PTPRN2: variants seen among roughly 807,000 people sequenced by gnomAD.
The protein encoded by PTPRN2 is receptor-type tyrosine-protein phosphatase N2.
PTPRN2 carries 74 observed loss-of-function variants against 118.8 expected under a neutral mutation model. The observed-to-expected ratio is 0.62, with a 90% confidence interval of 0.52 to 0.76. The LOEUF is 0.76. Ranked by LOEUF, PTPRN2 falls within the 30% of genes least tolerant of loss-of-function variation. The pLI, the probability that PTPRN2 is intolerant of heterozygous loss-of-function variation, is 0.00. For missense variants in PTPRN2, 1,481 were observed against 1,394.4 expected (o/e 1.06, Z -0.99); for synonymous variants, 641 against 608.0 (o/e 1.05, Z -0.80).
At chr7:158,274,979 C>T (rs934109365) in intron 3 of PTPRN2, among the ~76,000 whole-genome samples, 5 of 152,222 alleles carry the variant, frequency 3.3e-5, no homozygotes, top group Admixed American at 1.3e-4. Flanking sequence ...ACTCCTGGGG[C>T]GTAGCAGAGT....
chr7:158,334,644 C>A (rs1805229195), intron 2 of PTPRN2, among the ~76,000 whole-genome samples: 4 of 96,312 alleles, frequency 4.2e-5, no homozygotes, highest in Admixed American at 3.2e-4. Flanking sequence ...CACCCACACT[C>A]TCACCATAAT....
chr7:158,311,881 ACCTG>A, intron 3 of PTPRN2, among the ~76,000 whole-genome samples: 1 of 147,088 alleles, frequency 6.8e-6, no homozygotes, highest in African/African-American at 2.7e-5. Context: ...ACACCCACAC[ACCTG>A]CACGTGTAGA....
In PTPRN2 at chr7:157,603,497, G is replaced by T. The variant is rs1431157932; in HGVS notation, c.2418+505C>A. Among the ~76,000 whole-genome samples, 12 of 152,216 alleles carry T rather than the reference G, an allele frequency of 7.9e-5. No homozygotes were observed. The highest frequency in any genetic ancestry group is 1.5e-5 in the Non-Finnish European group (1 of 68,036). Reference sequence around the variant, plus strand: ...ACTGCACCTGCGTCTATCCCAGGGGGAGGAACAGCCAGCAAACGGTCTCTT... The same window carrying T: ...ACTGCACCTGCGTCTATCCCAGGGGTAGGAACAGCCAGCAAACGGTCTCTT... On this transcript the variant is annotated intron_variant, in intron 16 of 22. Transcript: ENST00000389418. This position sits in a 1 kb window ranked among gnomAD's most constrained non-coding sequence, Gnocchi z 5.4.
chr7:157,704,044 G>T (rs1193765750), intron 12 of PTPRN2, among the ~76,000 whole-genome samples: 2 of 152,298 alleles, frequency 1.3e-5, no homozygotes, highest in South Asian at 2.1e-4. Flanking sequence ...GGTGCCACCA[G>T]GAATCCCTTT....
chr7:157,629,263 G>C lies in PTPRN2; in HGVS notation c.2197-7754C>G, dbSNP rs563831712. On this transcript the variant is annotated intron_variant, in intron 14 of 22. Transcript: ENST00000389418. The surrounding 1 kb of genome is among the most constrained non-coding windows in gnomAD (Gnocchi z 4.4). ...TGCCAAAGACACCGCAGAACCCATG[G>C]GGAGGCAGAAGAAAGGCTGGAGCAG... is the stretch of plus-strand genomic sequence containing the variant. Among the ~76,000 whole-genome samples, 2 of 152,220 alleles carry C rather than the reference G, an allele frequency of 1.3e-5. No individual in the cohort carries two copies. The highest frequency in any genetic ancestry group is 4.2e-4 in the South Asian group (2 of 4,802).
chr7:158,500,675 C>T (rs1288257061), intron 1 of PTPRN2, among the ~76,000 whole-genome samples: 1 of 152,268 alleles, frequency 6.6e-6, no homozygotes, highest in Non-Finnish European at 1.5e-5. Context: ...GCCACAAAAA[C>T]GTCCACCCGC....
intron 11 of PTPRN2, among the ~76,000 whole-genome samples, chr7:157,975,175 C>T (rs1802648953): frequency 6.6e-6 from 1 of 152,188 alleles, no homozygotes; most frequent in Non-Finnish European, 1.5e-5. Context: ...CCTGCCAACA[C>T]TGCTGTCCAC....
At position 158,241,086 on chromosome 7, in the gene PTPRN2, T is replaced by C. The variant is rs182042185; in HGVS notation, c.278-35813A>G. Among the ~76,000 whole-genome samples the C allele has an allele frequency of 1.9e-3, 286 of 152,358 alleles. 3 individuals carry two copies. Among genetic ancestry groups the C allele is most frequent in the African/African-American group, 6.6e-3 (273 of 41,590 alleles). On this transcript the variant is annotated intron_variant, in intron 3 of 22. Transcript: ENST00000389418. ...GGGCCAGCCAGCATCCAGTTCCAGC[T>C]TCATGGTGGAAGCATCAAAGTGTTC...
In PTPRN2 at chr7:158,241,757, G is replaced by A. The variant is rs144628520; in HGVS notation, c.278-36484C>T. 3.8e-4 allele frequency among the ~76,000 whole-genome samples: 58 copies of A among 152,180 alleles called. No homozygotes were observed. In the East Asian group the frequency reaches 7.8e-3, roughly 20 times the overall value. On this transcript the variant is annotated intron_variant, in intron 3 of 22. Coordinates refer to ENST00000389418, the MANE Select transcript of PTPRN2 (RefSeq NM_002847.5). ...TACAGCTAACGTTCTACAGCTCCCC[G>A]TTCTCCTAATCACAGCTCTGAGGTC...
intron 3 of PTPRN2, among the ~76,000 whole-genome samples, chr7:158,226,116 A>G (rs1256258302): frequency 6.6e-6 from 1 of 152,246 alleles, no homozygotes; most frequent in Non-Finnish European, 1.5e-5. Flanking sequence ...AGCCTTAACT[A>G]TGAGCCAGCA....
At chr7:157,607,830 C>T (rs946145126) in intron 15 of PTPRN2, among the ~76,000 whole-genome samples, 1 of 152,076 alleles carries the variant, frequency 6.6e-6, no homozygotes, top group Non-Finnish European at 1.5e-5. Context: ...TCTACGAGCC[C>T]GGCCCTCTCC....
chr7:158,005,016 G>C (rs1280253312), intron 11 of PTPRN2, among the ~76,000 whole-genome samples: 2 of 151,730 alleles, frequency 1.3e-5, no homozygotes, highest in Non-Finnish European at 2.9e-5. Context: ...AGCATTTCCG[G>C]CTTGAGAAAA....
chr7:158,146,366 T>A (rs12670590), intron 6 of PTPRN2, among the ~76,000 whole-genome samples: 33,603 of 152,166 alleles, frequency 0.22, 4,677 homozygotes, highest in Middle Eastern at 0.37. Flanking sequence ...AACCTACCCA[T>A]TGATTGCACC....
intron 11 of PTPRN2, among the ~76,000 whole-genome samples, chr7:157,945,115 G>A (rs983615494): frequency 2.0e-5 from 3 of 152,128 alleles, no homozygotes; most frequent in East Asian, 1.9e-4. Flanking sequence ...GGAGGAACAC[G>A]GTGAGAGGTC....
intron 1 of PTPRN2, among the ~76,000 whole-genome samples, chr7:158,494,975 G>A (rs560462744): frequency 3.9e-5 from 6 of 152,112 alleles, no homozygotes; most frequent in East Asian, 1.9e-4. Flanking sequence ...CAGACTCCAC[G>A]CCCAATCCGA....
chr7:158,312,843 GGTGT>G (rs1225722486), intron 3 of PTPRN2, among the ~76,000 whole-genome samples: 1 of 150,274 alleles, frequency 6.7e-6, no homozygotes, highest in East Asian at 2.0e-4. Context: ...CGTGAGCATG[GGTGT>G]GTGTGCATGT....
intron 3 of PTPRN2, among the ~76,000 whole-genome samples, chr7:158,310,577 G>A (rs1170465642): frequency 1.3e-5 from 2 of 152,260 alleles, no homozygotes; most frequent in East Asian, 3.9e-4. Flanking sequence ...TGGGGGCTGG[G>A]TGGAAGGAGC....
chr7:157,840,585 C>T lies in PTPRN2; in HGVS notation c.1788+58088G>A, dbSNP rs967316491. Among the ~76,000 whole-genome samples, 7 of 152,184 alleles carry T rather than the reference C, an allele frequency of 4.6e-5. No individual in the cohort carries two copies. In the South Asian group the frequency reaches 6.2e-4, roughly 13 times the overall value. ...CGGGACGGGAGCTGCAGACAACATC[C>T]GAGCCGGCTGAAGCCCACAGAGCAG... On this transcript the variant is annotated intron_variant, in intron 12 of 22. Coordinates refer to ENST00000389418, the MANE Select transcript of PTPRN2 (RefSeq NM_002847.5).
intron 12 of PTPRN2, among the ~76,000 whole-genome samples, chr7:157,788,643 C>A (rs1441566024): frequency 2.0e-5 from 3 of 152,238 alleles, no homozygotes; most frequent in African/African-American, 4.8e-5. Flanking sequence ...AGCTCCCAGG[C>A]ATGCAGCCCT....
Sources: gnomAD v4.1 joint callset for allele counts (sites outside exome capture counted in the v4.1 genomes callset) on GRCh38, gnomAD v4.1.1 for gene constraint, Gnocchi (gnomAD v3.1) non-coding constraint, MANE v1.5 for transcripts, NCBI Gene and HGNC (gene_info 2026-07-23, HGNC 2026-07-21) for gene names.